The following SRD5A3 variants were observed in gnomAD, a reference collection of about 807,000 sequenced individuals.
The protein encoded by SRD5A3 is steroid 5 alpha-reductase 3.
Under a neutral mutation model 34.3 loss-of-function variants are expected in SRD5A3, and 24 were observed. The observed-to-expected ratio is 0.70, with a 90% CI of 0.51 to 0.99. SRD5A3 has a LOEUF of 0.99. SRD5A3 is among the 50% of genes least tolerant of loss of function. SRD5A3 has a pLI of 0.00. For missense variants in SRD5A3, 350 were observed against 388.2 expected, an observed-to-expected ratio of 0.90 and a Z score of 0.83; for synonymous variants, 161 against 167.3, an observed-to-expected ratio of 0.96 and a Z score of 0.29.
chr4:55,365,954 A>C (rs1239762119), intron 3 of SRD5A3, among the ~76,000 whole-genome samples: 2 of 152,202 alleles, frequency 1.3e-5, no homozygotes, highest in African/African-American at 2.4e-5. Context: ...ACACATACTG[A>C]TTTCACAGGG....
rs1382446690 is a variant in SRD5A3, at chr4:55,372,913, G to A, written c.*2822G>A. 6.9e-6 allele frequency: 1 copy of A among 145,486 alleles called. No homozygotes were observed. The highest frequency in any genetic ancestry group is 2.0e-4 in the East Asian group (1 of 4,922). 9.0% of individuals were successfully genotyped at this position (145,486 alleles called of 1,614,324 possible). On this transcript the variant is annotated 3_prime_UTR_variant, in exon 5 of 5. Coordinates refer to ENST00000264228, the MANE Select transcript of SRD5A3 (RefSeq NM_024592.5). ...CTGTATTCGATTTTTACTTCAATGA[G>A]TGGTTATTGCTAGAATTCCTACAAA...
chr4:55,357,389 C>CT (rs1304371127), intron 1 of SRD5A3, among the ~76,000 whole-genome samples: 2 of 152,244 alleles, frequency 1.3e-5, no homozygotes, highest in Non-Finnish European at 2.9e-5. Context: ...TCCCTCCTGC[C>CT]TTTTCCTGGG....
intron 2 of SRD5A3, among the ~76,000 whole-genome samples, chr4:55,362,073 G>A (rs1255033411): frequency 6.6e-6 from 1 of 151,774 alleles, no homozygotes; most frequent in Non-Finnish European, 1.5e-5. Flanking sequence ...TTCCCCATGG[G>A]AAGTTTGGGG....
In SRD5A3 at chr4:55,369,818, T is replaced by G. The variant is rs768446893; in HGVS notation, c.698-14T>G. The G allele has an allele frequency of 2.5e-6, 4 of 1,614,060 alleles. No individual in the cohort carries two copies. In the African/African-American group the frequency reaches 5.3e-5, roughly 22 times the overall value. On this transcript the variant is annotated splice_polypyrimidine_tract_variant and intron_variant, in intron 4 of 4. Transcript: ENST00000264228. ...ACCTTTAAATGCTTATGAGATCTTC[T>G]TTTACCCTTTCAGGAGTGGTCATTC... is the stretch of plus-strand genomic sequence containing the variant.
Position 55,351,224 on chromosome 4 carries a change from A to C in SRD5A3, c.221+4667A>C, listed in dbSNP as rs140913289. ...GCAGCAGGGAACACAGGTACGTGCC[A>C]CCATGCCCGGCCAGTTTTTGCATTT... On this transcript the variant is annotated intron_variant, in intron 1 of 4. Transcript: ENST00000264228. 4.2e-3 allele frequency among the ~76,000 whole-genome samples: 637 copies of C among 151,846 alleles called. 6 individuals are homozygous for C. The highest frequency in any genetic ancestry group is 0.015 in the African/African-American group (607 of 41,362).
At position 55,371,483 on chromosome 4, in the gene SRD5A3, A is replaced by G. The variant is rs1720124462; in HGVS notation, c.*1392A>G. On this transcript the variant is annotated 3_prime_UTR_variant, in exon 5 of 5. Coordinates refer to ENST00000264228, the MANE Select transcript of SRD5A3 (RefSeq NM_024592.5). ...CTGAGGTGTTAAGTTTATTCCTTTTATGAAGATGTCCTATTACAGTCAGCT... is the reference window on the plus strand; with the variant it reads ...CTGAGGTGTTAAGTTTATTCCTTTTGTGAAGATGTCCTATTACAGTCAGCT... The G allele has an allele frequency of 1.3e-5, 2 of 152,224 alleles. No homozygotes were observed. Among genetic ancestry groups the G allele is most frequent in the Admixed American group, 1.3e-4 (2 of 15,276 alleles). The allele number at this position is 152,224 out of a possible 1,614,324, so 9.4% of individuals were successfully genotyped here. A position where few individuals can be genotyped will look rare whatever the true frequency, so the allele number is the denominator to read the frequency against.
chr4:55,350,310 A>T (rs1413355468), intron 1 of SRD5A3, among the ~76,000 whole-genome samples: 1 of 152,126 alleles, frequency 6.6e-6, no homozygotes, highest in Non-Finnish European at 1.5e-5. Context: ...GTGTAGGTTG[A>T]AGTGAGCCAA....
chr4:55,357,405 G>A (rs979457492), intron 1 of SRD5A3, among the ~76,000 whole-genome samples: 2 of 152,240 alleles, frequency 1.3e-5, no homozygotes, highest in African/African-American at 4.8e-5. Flanking sequence ...CTGGGAGCCT[G>A]CAGAACAGCA....
intron 1 of SRD5A3, among the ~76,000 whole-genome samples, chr4:55,357,704 TTTA>T (rs1322531125): frequency 6.6e-6 from 1 of 152,240 alleles, no homozygotes; most frequent in Non-Finnish European, 1.5e-5. Flanking sequence ...TAGAATTTTA[TTTA>T]TTTATTTATT....
intron 1 of SRD5A3, among the ~76,000 whole-genome samples, chr4:55,357,824 G>A (rs1480296659): frequency 6.6e-6 from 1 of 152,122 alleles, no homozygotes; most frequent in Non-Finnish European, 1.5e-5. Flanking sequence ...CTCTCACCTT[G>A]GCCTCCCAAA....
intron 1 of SRD5A3, among the ~76,000 whole-genome samples, chr4:55,356,980 C>G (rs941144840): frequency 4.6e-5 from 7 of 152,164 alleles, no homozygotes; most frequent in African/African-American, 1.2e-4. Flanking sequence ...TTTTAATGTT[C>G]CTTGAACACC....
chr4:55,353,230 T>C (rs1578202474), intron 1 of SRD5A3, among the ~76,000 whole-genome samples: 1 of 152,302 alleles, frequency 6.6e-6, no homozygotes. Context: ...AACTTTTCTG[T>C]CTAGCTAAAG....
At chr4:55,352,011 G>A in intron 1 of SRD5A3, 2 of 765,372 alleles carry the variant, frequency 2.6e-6, no homozygotes, top group East Asian at 2.4e-5. Flanking sequence ...TGTGTACATG[G>A]TAATCCTTCA....
chr4:55,361,783 C>G (rs7673897), intron 2 of SRD5A3, among the ~76,000 whole-genome samples: 29,142 of 151,942 alleles, frequency 0.19, 2,988 homozygotes, highest in African/African-American at 0.23. Context: ...CAGCCTGTGC[C>G]ACAGAGTGAG....
chr4:55,372,317 C>T lies in SRD5A3; in HGVS notation c.*2226C>T, dbSNP rs976387294. On this transcript the variant is annotated 3_prime_UTR_variant, in exon 5 of 5. Transcript: ENST00000264228. ...AAGTAAAATAACGAGCATCCCATGA[C>T]GCACCCTGTCAGGGGTTGTGAGAAA... is the stretch of plus-strand genomic sequence containing the variant. 11 of 152,144 alleles carry T rather than the reference C, an allele frequency of 7.2e-5. No homozygotes were observed. Among genetic ancestry groups the T allele is most frequent in the African/African-American group, 2.2e-4 (9 of 41,422 alleles). 9.4% of individuals were successfully genotyped at this position (152,144 alleles called of 1,614,324 possible).
chr4:55,371,061 C>A lies in SRD5A3; in HGVS notation c.*970C>A, dbSNP rs1027125184. ...AGCCTAACAGAACACTTTGAAAGCT[C>A]TTTTATTTAATATTTTTTTACATCC... On this transcript the variant is annotated 3_prime_UTR_variant, in exon 5 of 5. Coordinates refer to ENST00000264228, the MANE Select transcript of SRD5A3 (RefSeq NM_024592.5). 2.0e-5 allele frequency: 3 copies of A among 152,230 alleles called. No homozygotes were observed. Among genetic ancestry groups the A allele is most frequent in the African/African-American group, 7.2e-5 (3 of 41,536 alleles). 9.4% of individuals were successfully genotyped at this position (152,230 alleles called of 1,614,324 possible). A position where few individuals can be genotyped will look rare whatever the true frequency, so the allele number is the denominator to read the frequency against.
At position 55,346,259 on chromosome 4, in the gene SRD5A3, C is replaced by A; in HGVS notation, c.-78C>A. ...GTCCCGCTAGGCTGAGACCGGTGCGCCGCGCGCTAGTGGCCGCTCTTCCGC... is the reference window on the plus strand; with the variant it reads ...GTCCCGCTAGGCTGAGACCGGTGCGACGCGCGCTAGTGGCCGCTCTTCCGC... On this transcript the variant is annotated 5_prime_UTR_variant, in exon 1 of 5. Coordinates refer to ENST00000264228, the MANE Select transcript of SRD5A3 (RefSeq NM_024592.5). 8.1e-7 allele frequency: 1 copy of A among 1,238,818 alleles called. No individual in the cohort carries two copies. The highest frequency in any genetic ancestry group is 1.0e-6 in the Non-Finnish European group (1 of 960,050). The allele number at this position is 1,238,818 out of a possible 1,614,324, so 76.7% of individuals were successfully genotyped here.
intron 1 of SRD5A3, chr4:55,352,437 A>G: frequency 1.4e-6 from 1 of 731,246 alleles, no homozygotes; most frequent in African/African-American, 1.7e-5. Flanking sequence ...TGCTTGTATA[A>G]TATTTTCAGA....
At chr4:55,348,558 C>CT (rs1296776909) in intron 1 of SRD5A3, among the ~76,000 whole-genome samples, 2 of 152,124 alleles carry the variant, frequency 1.3e-5, no homozygotes, top group East Asian at 3.9e-4. Flanking sequence ...AAAAAATGTG[C>CT]TAATGGCTAA....
Sources: allele counts gnomAD v4.1 joint callset (sites outside exome capture counted in the v4.1 genomes callset), GRCh38; gene constraint gnomAD v4.1.1; transcripts MANE v1.5; gene names NCBI Gene and HGNC (gene_info 2026-07-23, HGNC 2026-07-21).